SRD5A2: variants seen among roughly 807,000 people sequenced by gnomAD.
SRD5A2 encodes 3-oxo-5-alpha-steroid 4-dehydrogenase 2.
Under a neutral mutation model 27.4 loss-of-function variants are expected in SRD5A2, and 30 were observed. The ratio of observed to expected loss-of-function variants is 1.10; its 90% CI spans 0.82 to 1.49. The LOEUF (loss-of-function observed/expected upper bound fraction) is 1.49, where lower values mean the gene tolerates loss of function less well. Ranked by LOEUF, SRD5A2 falls within the 40% of genes most tolerant of loss-of-function variation. SRD5A2 has a pLI of 0.00. For missense variants in SRD5A2, 348 were observed against 323.4 expected, an observed-to-expected ratio of 1.08 and a Z score of -0.58; for synonymous variants, 141 against 133.6, an observed-to-expected ratio of 1.06 and a Z score of -0.38.
At chr2:31,641,851 A>G in the SRD5A2 span, among the ~76,000 whole-genome samples, 1 of 152,150 alleles carries the variant, frequency 6.6e-6, no homozygotes, top group Admixed American at 6.5e-5. Flanking sequence ...CTACAGATTC[A>G]TTGCAACCTC....
intron 1 of SRD5A2, among the ~76,000 whole-genome samples, chr2:31,571,989 A>C (rs1039041054): frequency 6.6e-6 from 1 of 152,264 alleles, no homozygotes; most frequent in Admixed American, 6.5e-5. Context: ...TATATCCCCA[A>C]AGGAATATAT....
the SRD5A2 span, among the ~76,000 whole-genome samples, chr2:31,625,107 C>A: frequency 6.6e-6 from 1 of 152,130 alleles, no homozygotes; most frequent in Admixed American, 6.5e-5. Context: ...TCTCTGATGA[C>A]CAGTGATGAT....
At chr2:31,537,722 T>A (rs1254425111) in intron 1 of SRD5A2, among the ~76,000 whole-genome samples, 1 of 152,186 alleles carries the variant, frequency 6.6e-6, no homozygotes, top group Non-Finnish European at 1.5e-5. Context: ...CTGAATGTGT[T>A]CCCCAAAATT....
chr2:31,561,391 C>T (rs146829843), intron 1 of SRD5A2, among the ~76,000 whole-genome samples: 2,321 of 152,258 alleles, frequency 0.015, 30 homozygotes, highest in South Asian at 0.044. Context: ...TCCCATCTTA[C>T]TCTGCCATGC....
At chr2:31,650,557 C>T in the SRD5A2 span, among the ~76,000 whole-genome samples, 1 of 152,158 alleles carries the variant, frequency 6.6e-6, no homozygotes, top group African/African-American at 2.4e-5. Flanking sequence ...ATTTTAGTTC[C>T]ATAAGCTGAC....
intron 1 of SRD5A2, among the ~76,000 whole-genome samples, chr2:31,549,496 C>T (rs1012115927): frequency 2.6e-5 from 4 of 152,068 alleles, no homozygotes; most frequent in Admixed American, 6.6e-5. Flanking sequence ...TATTTAATGT[C>T]ACTCAAAATG....
the SRD5A2 span, among the ~76,000 whole-genome samples, chr2:31,649,376 T>C: frequency 1.3e-5 from 2 of 152,130 alleles, no homozygotes; most frequent in African/African-American, 4.8e-5. Flanking sequence ...TTGCAAGCAA[T>C]TGACACCCAA....
chr2:31,612,305 GAA>G, the SRD5A2 span, among the ~76,000 whole-genome samples: 1 of 149,324 alleles, frequency 6.7e-6, no homozygotes, highest in African/African-American at 2.5e-5. Context: ...AAAAGAGAGA[GAA>G]AGAAAAAAGA....
At chr2:31,616,734 G>A in the SRD5A2 span, among the ~76,000 whole-genome samples, 1 of 152,278 alleles carries the variant, frequency 6.6e-6, no homozygotes, top group East Asian at 1.9e-4. Context: ...ATGAGACTTT[G>A]GACTGTGGAC....
At chr2:31,531,274 C>T (rs976378423) in intron 3 of SRD5A2, 97 bp downstream of exon 3, 15 of 821,938 alleles carry the variant, frequency 1.8e-5, no homozygotes, top group African/African-American at 1.2e-4. Flanking sequence ...TTGTATCATT[C>T]GTGCCCTCAC....
chr2:31,618,814 G>T, the SRD5A2 span, among the ~76,000 whole-genome samples: 1 of 152,024 alleles, frequency 6.6e-6, no homozygotes, highest in Non-Finnish European at 1.5e-5. Context: ...TTTCAAAATT[G>T]CTTACCTAGA....
At chr2:31,602,336 C>T in the SRD5A2 span, among the ~76,000 whole-genome samples, 5 of 152,050 alleles carry the variant, frequency 3.3e-5, no homozygotes, top group East Asian at 7.7e-4. Context: ...AATAAAATGC[C>T]TAGAAATACT....
intron 2 of SRD5A2, among the ~76,000 whole-genome samples, chr2:31,533,081 C>A (rs1572631314): frequency 6.6e-6 from 1 of 152,168 alleles, no homozygotes; most frequent in East Asian, 1.9e-4. Flanking sequence ...TTTCTTTCAG[C>A]TTATCAGCTA....
intron 1 of SRD5A2, among the ~76,000 whole-genome samples, chr2:31,548,904 G>A (rs114677283): frequency 3.1e-3 from 474 of 151,982 alleles, no homozygotes; most frequent in Admixed American, 5.3e-3. Flanking sequence ...TATAAAGGAA[G>A]AAAATTCTAA....
chr2:31,535,312 G>A (rs1238927955), intron 1 of SRD5A2, among the ~76,000 whole-genome samples: 1 of 152,092 alleles, frequency 6.6e-6, no homozygotes, highest in African/African-American at 2.4e-5. Context: ...GAGCCACCGC[G>A]CCCAGCTGAG....
intron 1 of SRD5A2, among the ~76,000 whole-genome samples, chr2:31,553,992 T>C (rs981041550): frequency 3.3e-5 from 5 of 151,982 alleles, no homozygotes; most frequent in African/African-American, 1.2e-4. Context: ...CTAGGAAAAA[T>C]AAACCTTTTG....
chr2:31,652,856 A>G, the SRD5A2 span, among the ~76,000 whole-genome samples: 1 of 152,132 alleles, frequency 6.6e-6, no homozygotes, highest in Non-Finnish European at 1.5e-5. Flanking sequence ...GCTGTCCCAT[A>G]ATTTCAAACC....
the SRD5A2 span, among the ~76,000 whole-genome samples, chr2:31,643,084 T>C: frequency 6.6e-6 from 1 of 152,136 alleles, no homozygotes; most frequent in African/African-American, 2.4e-5. Context: ...ATTCTGTATC[T>C]TGATACAGGT....
chr2:31,649,774 AAGCCAT>A, the SRD5A2 span, among the ~76,000 whole-genome samples: 1 of 152,120 alleles, frequency 6.6e-6, no homozygotes, highest in Non-Finnish European at 1.5e-5. Context: ...GTTTTGTCCC[AAGCCAT>A]AGGATATTCA....
Sources: gnomAD v4.1 joint callset for allele counts (sites outside exome capture counted in the v4.1 genomes callset) on GRCh38, gnomAD v4.1.1 for gene constraint, MANE v1.5 for transcripts, NCBI Gene and HGNC (gene_info 2026-07-23, HGNC 2026-07-21) for gene names.